Variants in MTMR2 observed in about 807,000 individuals in gnomAD.
The protein encoded by MTMR2 is phosphatidylinositol-3,5-bisphosphate 3-phosphatase MTMR2.
MTMR2 carries 55 observed loss-of-function variants against 86.9 expected under a neutral mutation model. The observed-to-expected ratio is 0.63, with a 90% confidence interval of 0.51 to 0.79. The LOEUF (loss-of-function observed/expected upper bound fraction) is 0.79, where lower values mean the gene tolerates loss of function less well. Ranked by LOEUF, MTMR2 falls within the 30% of genes least tolerant of loss-of-function variation. MTMR2 has a pLI of 0.00. For synonymous variants in MTMR2, 241 were observed against 266.8 expected, an observed-to-expected ratio of 0.90 and a Z score of 0.94; for missense variants, 659 against 772.3, an observed-to-expected ratio of 0.85 and a Z score of 1.74.
intron 1 of MTMR2, among the ~76,000 whole-genome samples, chr11:95,915,746 C>T (rs189641948): frequency 2.5e-4 from 38 of 152,184 alleles, no homozygotes; most frequent in African/African-American, 8.7e-4. Context: ...GGATACATGG[C>T]TTGGAAATGG....
intron 1 of MTMR2, 32 bp downstream of exon 1, chr11:95,923,843 A>G: frequency 6.5e-7 from 1 of 1,539,060 alleles, no homozygotes; most frequent in Non-Finnish European, 8.8e-7. Flanking sequence ...TCCCCTTCGG[A>G]CGCTGGGCGG....
At chr11:95,868,679 C>T (rs1295725257) in intron 2 of MTMR2, among the ~76,000 whole-genome samples, 3 of 151,642 alleles carry the variant, frequency 2.0e-5, no homozygotes, top group African/African-American at 2.4e-5. Context: ...AATCAATGAA[C>T]AGAGACATAC....
intron 1 of MTMR2, among the ~76,000 whole-genome samples, chr11:95,905,339 A>G (rs1278417090): frequency 0.063 from 8,547 of 136,072 alleles, 651 homozygotes; most frequent in African/African-American, 0.19. Flanking sequence ...GCGCACACAC[A>G]CACACACACA....
At chr11:95,910,469 ATACTC>A (rs1046370317) in intron 1 of MTMR2, among the ~76,000 whole-genome samples, 14 of 152,114 alleles carry the variant, frequency 9.2e-5, no homozygotes, top group Non-Finnish European at 1.5e-4. Flanking sequence ...TTTAGAGTAT[ATACTC>A]TAAAGTGAAA....
chr11:95,887,906 C>T, intron 2 of MTMR2: 4 of 414,442 alleles, frequency 9.7e-6, no homozygotes, highest in South Asian at 4.9e-5. Context: ...TCTTTTATAC[C>T]ACAAAAAATT....
At chr11:95,918,586 G>C (rs1334558531) in intron 1 of MTMR2, among the ~76,000 whole-genome samples, 1 of 152,148 alleles carries the variant, frequency 6.6e-6, no homozygotes, top group Non-Finnish European at 1.5e-5. Context: ...TTTAAGTAAT[G>C]AAATCCAAAT....
In MTMR2 at chr11:95,834,465, C is replaced by T. The variant is rs192257681; in HGVS notation, c.*825G>A. On this transcript the variant is annotated 3_prime_UTR_variant, in exon 15 of 15. Transcript: ENST00000346299. The stretch of plus-strand genomic sequence containing the variant: ...TTTTTAAATACTTCTTAAAAACTTG[C>T]TAATTAGCTTCTGTGTGTTCAGACA... 1.9e-3 allele frequency: 286 copies of T among 152,096 alleles called. No individual in the cohort carries two copies. Among genetic ancestry groups the T allele is most frequent in the African/African-American group, 6.5e-3 (271 of 41,524 alleles). The allele number at this position is 152,096 out of a possible 1,614,324, so 9.4% of individuals were successfully genotyped here.
rs1590978311 is a variant in MTMR2, at chr11:95,845,011, C to T, written c.1328G>A (p.Arg443Gln). The change falls in exon 11 of 15, where the codon CGA (arginine) becomes CAA (glutamine). Residue 443 changes from arginine to glutamine, a missense_variant. By Grantham distance (43) the Arg-to-Gln change is conservative. Transcript: ENST00000346299. ...LMLDGYYRTIRGFEVLVEKEW... is the reference protein window; with the variant it reads ...LMLDGYYRTIQGFEVLVEKEW... ...TTTCTCCACAAGGACTTCAAATCCTCGGATGGTTCGATAGTATCCATCCAA... is the reference window on the plus strand; with the variant it reads ...TTTCTCCACAAGGACTTCAAATCCTTGGATGGTTCGATAGTATCCATCCAA... The T allele has an allele frequency of 5.0e-6, 8 of 1,613,822 alleles. No individual in the cohort carries two copies. Among genetic ancestry groups the T allele is most frequent in the African/African-American group, 2.7e-5 (2 of 74,908 alleles).
In MTMR2 at chr11:95,906,496, G is replaced by A. The variant is rs555508720; in HGVS notation, c.80+17379C>T. Among the ~76,000 whole-genome samples, 4 of 152,240 alleles carry A rather than the reference G, an allele frequency of 2.6e-5. No homozygotes were observed. In the South Asian group the frequency reaches 8.3e-4, roughly 32 times the overall value. On this transcript the variant is annotated intron_variant, in intron 1 of 14. Coordinates refer to ENST00000346299, the MANE Select transcript of MTMR2 (RefSeq NM_016156.6). ...TGACAATATTAGATCATTGAGGCAA[G>A]AAACTAACGAAGATATTCAAGAGCT...
At position 95,834,936 on chromosome 11, in the gene MTMR2, G is replaced by A. The variant is rs569586280; in HGVS notation, c.*354C>T. The A allele has an allele frequency of 9.6e-6, 3 of 313,588 alleles. No individual in the cohort carries two copies. The highest frequency in any genetic ancestry group is 9.4e-5 in the South Asian group (3 of 31,812). The allele number at this position is 313,588 out of a possible 1,614,324, so 19.4% of individuals were successfully genotyped here. A position where few individuals can be genotyped will look rare whatever the true frequency, so the allele number is the denominator to read the frequency against. ...GAAAACTGATGTTCCTCTGCACAGT[G>A]AGCACAGAGTGTATTTCTAAAATGG... On this transcript the variant is annotated 3_prime_UTR_variant, in exon 15 of 15. Transcript: ENST00000346299.
intron 2 of MTMR2, among the ~76,000 whole-genome samples, chr11:95,879,783 T>C (rs1404379401): frequency 1.3e-5 from 2 of 152,160 alleles, no homozygotes; most frequent in Non-Finnish European, 2.9e-5. Flanking sequence ...TCCTCCCCAC[T>C]GAAAGGCATT....
intron 1 of MTMR2, 35 bp from the exon 2 acceptor site, chr11:95,888,296 TG>T: frequency 6.7e-7 from 1 of 1,490,070 alleles, no homozygotes; most frequent in Non-Finnish European, 9.3e-7. Flanking sequence ...GTTGGAAAAA[TG>T]GGGGCTTCAA....
intron 1 of MTMR2, among the ~76,000 whole-genome samples, chr11:95,888,492 G>A (rs544065968): frequency 1.3e-5 from 2 of 152,120 alleles, no homozygotes; most frequent in Non-Finnish European, 2.9e-5. Flanking sequence ...TACTCATGAA[G>A]ACACTCCAGG....
intron 10 of MTMR2, among the ~76,000 whole-genome samples, chr11:95,846,793 G>A (rs929565767): frequency 1.4e-4 from 21 of 152,060 alleles, no homozygotes; most frequent in Non-Finnish European, 2.2e-4. Flanking sequence ...TTTAATGAAT[G>A]GGCCACATGA....
chr11:95,868,180 A>G (rs1565362487), intron 2 of MTMR2, among the ~76,000 whole-genome samples: 1 of 143,356 alleles, frequency 7.0e-6, no homozygotes, highest in Admixed American at 7.1e-5. Flanking sequence ...CTGTGATGAG[A>G]GGACTACCTT....
chr11:95,849,959 C>G (rs1863954524), intron 8 of MTMR2, 97 bp from the exon 9 acceptor site: 5 of 1,181,138 alleles, frequency 4.2e-6, no homozygotes, highest in Non-Finnish European at 6.2e-6. Context: ...CTAATTGGAT[C>G]CAAAGCCTGG....
chr11:95,876,874 T>A (rs1048952009), intron 2 of MTMR2, among the ~76,000 whole-genome samples: 1 of 151,930 alleles, frequency 6.6e-6, no homozygotes, highest in Admixed American at 6.6e-5. Context: ...ATGCACTCTC[T>A]CACACACACA....
intron 12 of MTMR2, 116 bp from the exon 13 acceptor site, chr11:95,838,323 A>G (rs1209993994): frequency 2.9e-6 from 2 of 692,646 alleles, no homozygotes; most frequent in African/African-American, 3.5e-5. Context: ...ATTCAAATCT[A>G]CATTATTCCA....
At chr11:95,850,423 C>G (rs1217950146) in intron 8 of MTMR2, among the ~76,000 whole-genome samples, 177 bp downstream of exon 8, 2 of 152,172 alleles carry the variant, frequency 1.3e-5, no homozygotes, top group Non-Finnish European at 1.5e-5. Context: ...TCTCTGGAAG[C>G]CTCTTTAAGT....
Sources: gnomAD v4.1 joint callset for allele counts (sites outside exome capture counted in the v4.1 genomes callset) on GRCh38, gnomAD v4.1.1 for gene constraint, MANE v1.5 for transcripts, NCBI Gene and HGNC (gene_info 2026-07-23, HGNC 2026-07-21) for gene names.